The following AIM2 variants were observed in gnomAD, a reference collection of about 807,000 sequenced individuals.
AIM2 encodes interferon-inducible protein AIM2.
In AIM2, 30 loss-of-function variants were observed where a neutral mutation model predicts 27.7. That is an observed-to-expected ratio of 1.08 (90% confidence interval 0.81 to 1.47). The LOEUF (loss-of-function observed/expected upper bound fraction) is 1.47, where lower values mean the gene tolerates loss of function less well. AIM2 is among the 40% of genes most tolerant of loss of function. The pLI is 0.00. For missense variants in AIM2, 358 were observed against 411.3 expected (o/e 0.87, Z 1.12); for synonymous variants, 141 against 145.3 (o/e 0.97, Z 0.21).
intron 3 of AIM2, among the ~76,000 whole-genome samples, chr1:159,066,632 C>A (rs536012171): frequency 6.6e-6 from 1 of 152,334 alleles, no homozygotes; most frequent in Non-Finnish European, 1.5e-5. Context: ...CATCAGATTT[C>A]TGAAATACTG....
chr1:159,055,510 C>T, the AIM2 span, among the ~76,000 whole-genome samples: 1 of 152,198 alleles, frequency 6.6e-6, no homozygotes, highest in Non-Finnish European at 1.5e-5. Flanking sequence ...TGCATGAAGG[C>T]ACTTGTCTGT....
At chr1:159,070,280 T>C (rs1656297897) in intron 2 of AIM2, among the ~76,000 whole-genome samples, 1 of 152,242 alleles carries the variant, frequency 6.6e-6, no homozygotes, top group Non-Finnish European at 1.5e-5. Flanking sequence ...CCTTGTTTTA[T>C]CATAAGAACC....
intron 2 of AIM2, among the ~76,000 whole-genome samples, chr1:159,072,080 G>T (rs1026702090): frequency 1.3e-5 from 2 of 152,204 alleles, no homozygotes; most frequent in Non-Finnish European, 2.9e-5. Flanking sequence ...GCCTATGTTT[G>T]CCAATATGCC....
downstream of AIM2, among the ~76,000 whole-genome samples, chr1:159,058,823 T>G (rs1655738832): frequency 6.6e-6 from 1 of 152,106 alleles, no homozygotes; most frequent in Non-Finnish European, 1.5e-5. Context: ...GGCAGGGTTT[T>G]TTGGGTGAAA....
upstream of AIM2, chr1:159,081,698 C>T (rs1656779254): frequency 4.3e-6 from 1 of 231,538 alleles, no homozygotes; most frequent in African/African-American, 2.4e-5. Flanking sequence ...AATAAAAGGA[C>T]AATTAAGTTA....
At chr1:159,142,125 G>A (rs559994779), upstream of AIM2, among the ~76,000 whole-genome samples, 5 of 152,134 alleles carry the variant, frequency 3.3e-5, no homozygotes, top group Non-Finnish European at 7.4e-5. Flanking sequence ...GCTGGGCAAC[G>A]CTTGGGGATT....
chr1:159,077,183 C>T (rs1273552148), upstream of AIM2, among the ~76,000 whole-genome samples: 3 of 152,126 alleles, frequency 2.0e-5, no homozygotes, highest in African/African-American at 4.8e-5. Context: ...GCAAAACCAA[C>T]GACACCCTCA....
In AIM2 at chr1:159,062,728, G is replaced by A. The variant is rs1557889413; in HGVS notation, c.1006-10C>T. 3 of 1,607,498 alleles carry A rather than the reference G, an allele frequency of 1.9e-6. No individual in the cohort carries two copies. The highest frequency in any genetic ancestry group is 2.7e-5 in the African/African-American group (2 of 74,432). On this transcript the variant is annotated splice_polypyrimidine_tract_variant and intron_variant, in intron 5 of 5. Transcript: ENST00000368130. Reference sequence around the variant, plus strand: ...TTTTGGCCTTAATAACCTGGATGGAGAAAAAAAACATGCAGTCTGAGATGC... The same window carrying A: ...TTTTGGCCTTAATAACCTGGATGGAAAAAAAAAACATGCAGTCTGAGATGC...
At chr1:159,108,019 T>C (rs962205838) in intron 1 of AIM2, among the ~76,000 whole-genome samples, 4 of 152,116 alleles carry the variant, frequency 2.6e-5, no homozygotes, top group African/African-American at 9.7e-5. Flanking sequence ...TTCCACATCA[T>C]AGAGAAAGAG....
rs186487847 is a variant in AIM2 at position 159,132,750 on chromosome 1, T to C, written c.-16+7681A>G. 6.6e-5 allele frequency among the ~76,000 whole-genome samples: 10 copies of C among 152,310 alleles called. No homozygotes were observed. The East Asian group carries it at 1.5e-3, about 23-fold the overall frequency. On this transcript the variant is annotated intron_variant, in intron 1 of 2. Coordinates refer to the AIM2 transcript ENST00000368129. ...TTAAATAGACACCTATTAATATATG[T>C]ATGTGAATTGCATCTGTTTATAAGA... is the stretch of plus-strand genomic sequence containing the variant.
chr1:159,106,783 G>A (rs552288208), intron 1 of AIM2, among the ~76,000 whole-genome samples: 24 of 152,354 alleles, frequency 1.6e-4, no homozygotes, highest in African/African-American at 5.8e-4. Flanking sequence ...AAGGCTCTCT[G>A]CCACAACTAG....
At chr1:159,135,215 C>CT (rs553628652) in intron 1 of AIM2, among the ~76,000 whole-genome samples, 137 of 152,342 alleles carry the variant, frequency 9.0e-4, no homozygotes, top group African/African-American at 3.2e-3. Flanking sequence ...TCATTCAACT[C>CT]TGTCAGTTTT....
At chr1:159,065,568 A>G (rs1432638516) in intron 4 of AIM2, among the ~76,000 whole-genome samples, 2 of 152,234 alleles carry the variant, frequency 1.3e-5, no homozygotes, top group African/African-American at 4.8e-5. Flanking sequence ...AACAATAGTC[A>G]CTTAAAATAA....
intron 1 of AIM2, among the ~76,000 whole-genome samples, chr1:159,122,836 T>C (rs998034029): frequency 3.9e-5 from 6 of 152,222 alleles, no homozygotes; most frequent in African/African-American, 1.2e-4. Flanking sequence ...CCCTATTTAG[T>C]GGCAATTCTG....
intron 1 of AIM2, among the ~76,000 whole-genome samples, chr1:159,134,657 C>T (rs1647980948): frequency 6.6e-6 from 1 of 152,138 alleles, no homozygotes; most frequent in Non-Finnish European, 1.5e-5. Context: ...CAGGGTGAAA[C>T]CCGGTCTCTA....
intron 2 of AIM2, among the ~76,000 whole-genome samples, chr1:159,069,736 G>A (rs145390202): frequency 1.0e-3 from 152 of 152,116 alleles, no homozygotes; most frequent in African/African-American, 3.6e-3. Context: ...GTAAAGATGG[G>A]GTTTCACCAT....
chr1:159,138,517 T>C (rs572071483), intron 1 of AIM2, among the ~76,000 whole-genome samples: 4 of 152,348 alleles, frequency 2.6e-5, no homozygotes, highest in African/African-American at 9.6e-5. Flanking sequence ...ATTATAATAT[T>C]TATTTACCTG....
the AIM2 span, among the ~76,000 whole-genome samples, chr1:159,057,294 G>C: frequency 6.6e-6 from 1 of 152,208 alleles, no homozygotes; most frequent in Non-Finnish European, 1.5e-5. Flanking sequence ...AATGTGTCTT[G>C]AAGGATGTTG....
downstream of AIM2, chr1:159,062,480 G>A: frequency 3.4e-6 from 2 of 586,010 alleles, no homozygotes; most frequent in Non-Finnish European, 6.1e-6. Context: ...TAGTGGGACT[G>A]TAATGAATGA....
Sources: allele counts gnomAD v4.1 joint callset (sites outside exome capture counted in the v4.1 genomes callset), GRCh38; gene constraint gnomAD v4.1.1; transcripts MANE v1.5; gene names NCBI Gene and HGNC (gene_info 2026-07-23, HGNC 2026-07-21).